The following RORA variants were observed in gnomAD, a reference collection of about 807,000 sequenced individuals.
RORA encodes nuclear receptor ROR-alpha.
A neutral mutation model predicts 69.5 loss-of-function variants in RORA; 7 were observed. The observed-to-expected ratio is 0.10, with a 90% CI of 0.06 to 0.19. RORA has a LOEUF of 0.19. RORA is among the 10% of genes least tolerant of loss of function. The probability of loss-of-function intolerance (pLI) is 1.00; values close to 1 mark genes in which losing one functional copy is unlikely to be tolerated. For missense variants in RORA, 457 were observed against 663.0 expected (o/e 0.69, Z 3.41); for synonymous variants, 261 against 240.8 (o/e 1.08, Z -0.78).
chr15:60,494,895 T>C lies in RORA; in HGVS notation c.*2560A>G, dbSNP rs543128963. The C allele has an allele frequency of 1.3e-5, 2 of 152,362 alleles. No individual in the cohort carries two copies. The highest frequency in any genetic ancestry group is 4.1e-4 in the South Asian group (2 of 4,832). The allele number at this position is 152,362 out of a possible 1,614,324, so 9.4% of individuals were successfully genotyped here. On this transcript the variant is annotated 3_prime_UTR_variant, in exon 11 of 11. Transcript: ENST00000335670. ...AGGAATTTCTTTTTAAGTTCATCAT[T>C]ATGTTCTCTCTCACCCTTAGAGAAA...
chr15:60,938,950 C>T (rs1303114565), intron 1 of RORA, among the ~76,000 whole-genome samples: 1 of 152,224 alleles, frequency 6.6e-6, no homozygotes, highest in Admixed American at 6.5e-5. Context: ...ACAAATCAGG[C>T]TTATTCATGC....
intron 1 of RORA, among the ~76,000 whole-genome samples, chr15:60,694,523 G>A (rs1162477544): frequency 1.3e-5 from 2 of 152,202 alleles, no homozygotes; most frequent in African/African-American, 4.8e-5. Context: ...TTTCGATGGT[G>A]TATTGTTGTG....
Position 61,091,749 on chromosome 15 carries a change from T to C in RORA, c.166+137304A>G, listed in dbSNP as rs79142824. 3.8e-4 allele frequency among the ~76,000 whole-genome samples: 58 copies of C among 152,338 alleles called. No homozygotes were observed. The East Asian group carries it at 0.011, about 29-fold the overall frequency. On this transcript the variant is annotated intron_variant, in intron 1 of 10. Transcript: ENST00000335670. ...CCTTTGCTGAGTGCCTAGTAGTGCG[T>C]TGGGCTGCTAAGTATTTTATACCCA...
chr15:60,553,723 A>C (rs2067284034), intron 2 of RORA, among the ~76,000 whole-genome samples: 1 of 152,192 alleles, frequency 6.6e-6, no homozygotes, highest in Non-Finnish European at 1.5e-5. Context: ...CAGGAAGAGG[A>C]GACAACCCTT....
intron 2 of RORA, among the ~76,000 whole-genome samples, chr15:60,672,142 AT>A (rs1174673397): frequency 6.6e-6 from 1 of 152,198 alleles, no homozygotes; most frequent in Non-Finnish European, 1.5e-5. Context: ...CTTTGTTTAA[AT>A]ACTTTTTTTC....
chr15:60,506,324 C>T (rs911703085), intron 5 of RORA, among the ~76,000 whole-genome samples: 2 of 151,950 alleles, frequency 1.3e-5, no homozygotes, highest in African/African-American at 4.8e-5. Flanking sequence ...AGAGTTGAGC[C>T]CTTAGAATGG....
At chr15:60,854,008 A>C (rs529131609) in intron 1 of RORA, among the ~76,000 whole-genome samples, 8 of 152,322 alleles carry the variant, frequency 5.3e-5, no homozygotes, top group African/African-American at 1.4e-4. Context: ...TTACTCCTGT[A>C]ATCCCAGAAC....
chr15:61,219,478 G>A (rs1250852067), intron 1 of RORA, among the ~76,000 whole-genome samples: 5 of 152,198 alleles, frequency 3.3e-5, no homozygotes, highest in South Asian at 4.1e-4. Flanking sequence ...GGGAGGCTGA[G>A]GCAGGAGAAT....
chr15:60,630,999 C>G (rs536638474), intron 2 of RORA, among the ~76,000 whole-genome samples: 1 of 149,054 alleles, frequency 6.7e-6, no homozygotes, highest in East Asian at 2.0e-4. Flanking sequence ...AAGCGATTCT[C>G]CTGCCTCAGC....
intron 1 of RORA, among the ~76,000 whole-genome samples, chr15:61,122,725 T>C (rs565366989): frequency 1.3e-5 from 2 of 152,112 alleles, no homozygotes; most frequent in African/African-American, 4.8e-5. Flanking sequence ...CTCTCTGGTA[T>C]CCAGAAATTG....
chr15:60,557,277 TAAG>T (rs1461383158), intron 2 of RORA, among the ~76,000 whole-genome samples: 1 of 152,220 alleles, frequency 6.6e-6, no homozygotes, highest in Non-Finnish European at 1.5e-5. Flanking sequence ...TTAAGTTAAA[TAAG>T]ATATAGAATG....
At chr15:60,990,956 C>T (rs1320288761) in intron 1 of RORA, among the ~76,000 whole-genome samples, 1 of 152,122 alleles carries the variant, frequency 6.6e-6, no homozygotes, top group Non-Finnish European at 1.5e-5. Context: ...CACCAAATCC[C>T]AAGTAATCTT....
At chr15:60,827,649 G>T (rs1239487369) in intron 1 of RORA, among the ~76,000 whole-genome samples, 2 of 152,334 alleles carry the variant, frequency 1.3e-5, no homozygotes, top group East Asian at 3.9e-4. Context: ...CATGGCGGGT[G>T]TTGGAGCTGC....
At position 60,500,014 on chromosome 15, in the gene RORA, A is replaced by C; in HGVS notation, c.1295-10T>G. The C allele has an allele frequency of 6.5e-7, 1 of 1,540,822 alleles. No individual in the cohort carries two copies. The stretch of plus-strand genomic sequence containing the variant: ...TGCAGCCATGAGCGATCTAAGCATA[A>C]AAAAATGATATTCTTTAGCATTCCT... On this transcript the variant is annotated splice_polypyrimidine_tract_variant and intron_variant, in intron 9 of 10. Transcript: ENST00000335670.
At chr15:60,592,129 C>G in intron 2 of RORA, among the ~76,000 whole-genome samples, 1 of 141,156 alleles carries the variant, frequency 7.1e-6, no homozygotes, top group African/African-American at 3.2e-5. Flanking sequence ...ACCCAAGAGA[C>G]TGACAGGAGC....
At chr15:61,042,468 A>G (rs887478419) in intron 1 of RORA, among the ~76,000 whole-genome samples, 1 of 152,230 alleles carries the variant, frequency 6.6e-6, no homozygotes, top group Non-Finnish European at 1.5e-5. Flanking sequence ...CCGCTGGAGT[A>G]CGGATGTGTA....
chr15:60,745,894 G>A (rs954448273), intron 1 of RORA, among the ~76,000 whole-genome samples: 2 of 152,104 alleles, frequency 1.3e-5, no homozygotes, highest in African/African-American at 2.4e-5. Flanking sequence ...GTCTTTTAAA[G>A]CCGCTTAATT....
At chr15:60,601,357 G>A (rs549780021) in intron 2 of RORA, among the ~76,000 whole-genome samples, 2 of 152,170 alleles carry the variant, frequency 1.3e-5, no homozygotes, top group South Asian at 4.1e-4. Context: ...TTATTCTGTT[G>A]GAAAACAATG....
intron 1 of RORA, among the ~76,000 whole-genome samples, chr15:60,883,683 T>C (rs1266511473): frequency 6.6e-6 from 1 of 152,262 alleles, no homozygotes. Context: ...TTTCTGTTAA[T>C]ATGTTTCTAA....
Sources: gnomAD v4.1 joint callset for allele counts (sites outside exome capture counted in the v4.1 genomes callset) on GRCh38, gnomAD v4.1.1 for gene constraint, MANE v1.5 for transcripts, NCBI Gene and HGNC (gene_info 2026-07-23, HGNC 2026-07-21) for gene names.